The following KCNK4 variants were observed in gnomAD, a reference collection of about 807,000 sequenced individuals.
KCNK4 encodes the protein potassium two pore domain channel subfamily K member 4, also known as potassium channel subfamily K member 4.
KCNK4 carries 22 observed loss-of-function variants against 28.8 expected under a neutral mutation model. The observed-to-expected ratio is 0.76, with a 90% CI of 0.55 to 1.09. The LOEUF is 1.09. Ranked by LOEUF, KCNK4 falls within the 50% of genes least tolerant of loss-of-function variation. The probability of loss-of-function intolerance (pLI) is 0.00; values close to 1 mark genes in which losing one functional copy is unlikely to be tolerated. For missense variants in KCNK4, 483 were observed against 546.3 expected, an observed-to-expected ratio of 0.88 and a Z score of 1.15; for synonymous variants, 263 against 252.9, an observed-to-expected ratio of 1.04 and a Z score of -0.38.
intron 2 of KCNK4, among the ~76,000 whole-genome samples, chr11:64,294,122 T>C (rs1270551886): frequency 1.3e-5 from 2 of 151,984 alleles, no homozygotes; most frequent in African/African-American, 4.8e-5. Context: ...GAATGCCAGG[T>C]CAGGTGCCCC....
chr11:64,292,110 G>T, intron 1 of KCNK4: 1 of 1,043,886 alleles, frequency 9.6e-7, no homozygotes. Context: ...TGCGGAGAGT[G>T]CAGGTGGGGT....
chr11:64,295,843 G>A (rs899657444), intron 2 of KCNK4, among the ~76,000 whole-genome samples: 1 of 152,046 alleles, frequency 6.6e-6, no homozygotes, highest in African/African-American at 2.4e-5. Context: ...GTCAGGGGGC[G>A]AAGAGGTGCT....
At position 64,296,872 on chromosome 11, in the gene KCNK4, C is replaced by T. The variant is rs2034777294; in HGVS notation, c.190-6C>T. ...GAAGCTCCTCCTTCTGCACCTTGTCCTGCAGGAGGTGGCTGATGCCCTGGG... is the reference window on the plus strand; with the variant it reads ...GAAGCTCCTCCTTCTGCACCTTGTCTTGCAGGAGGTGGCTGATGCCCTGGG... On this transcript the variant is annotated splice_region_variant and splice_polypyrimidine_tract_variant and intron_variant, in intron 2 of 6. Coordinates refer to ENST00000422670, the MANE Select transcript of KCNK4 (RefSeq NM_033310.3). The T allele has an allele frequency of 6.6e-7, 1 of 1,509,374 alleles. No individual in the cohort carries two copies. The highest frequency in any genetic ancestry group is 1.4e-5 in the South Asian group (1 of 73,284). 93.5% of individuals were successfully genotyped at this position (1,509,374 alleles called of 1,614,324 possible).
At chr11:64,298,020 T>C (rs1466946475) in intron 5 of KCNK4, 90 bp from the exon 6 acceptor site, 1 of 1,489,546 alleles carries the variant, frequency 6.7e-7, no homozygotes, top group African/African-American at 1.4e-5. Context: ...GGGCAGGTCC[T>C]CTCCAGGAAC....
At position 64,292,276 on chromosome 11, in the gene KCNK4, C is replaced by A. The variant is rs560871176; in HGVS notation, c.-77-666C>A. ...GACTGACAGCTGTCTCGGGGGCTGT[C>A]GCCCCGGTGTGGCCTTTGCGGACCC... On this transcript the variant is annotated intron_variant, in intron 1 of 6. Transcript: ENST00000422670. Among the ~76,000 whole-genome samples, 4 of 152,256 alleles carry A rather than the reference C, an allele frequency of 2.6e-5. No homozygotes were observed. The South Asian group carries it at 8.3e-4, about 31-fold the overall frequency.
In KCNK4 at chr11:64,297,016, T is replaced by C. The variant is rs2135231388; in HGVS notation, c.313+15T>C. ...CACCACCATCGGTGGGGGAGGGGAT[T>C]GGCATGTGGGGGGCGGCAAGGAGCT... On this transcript the variant is annotated intron_variant, in intron 3 of 6. Transcript: ENST00000422670. The C allele has an allele frequency of 6.4e-7, 1 of 1,564,920 alleles. No individual in the cohort carries two copies. Among genetic ancestry groups the C allele is most frequent in the East Asian group, 2.3e-5 (1 of 44,214 alleles).
At position 64,299,894 on chromosome 11, in the gene KCNK4, C is replaced by T; in HGVS notation, c.*168C>T. ...CCCCGGCCCTTCCCTCACTTCCATC[C>T]ATCTCTAGACCCCCCCAAGGCTTTC... On this transcript the variant is annotated 3_prime_UTR_variant, in exon 7 of 7. Transcript: ENST00000422670. The T allele has an allele frequency of 7.6e-7, 1 of 1,324,442 alleles. No individual in the cohort carries two copies. The allele number at this position is 1,324,442 out of a possible 1,614,324, so 82.0% of individuals were successfully genotyped here. A position where few individuals can be genotyped will look rare whatever the true frequency, so the allele number is the denominator to read the frequency against.
chr11:64,298,369 G>C, intron 6 of KCNK4, 120 bp downstream of exon 6: 2 of 1,214,528 alleles, frequency 1.6e-6, no homozygotes, highest in Non-Finnish European at 2.3e-6. Flanking sequence ...CAGGGGCTGA[G>C]TGAGCCTCTG....
intron 2 of KCNK4, among the ~76,000 whole-genome samples, chr11:64,294,515 CAAAAAAAAAA>C (rs771542870): frequency 2.2e-5 from 2 of 92,562 alleles, no homozygotes. Context: ...TGATCGGTCT[CAAAAAAAAAA>C]AAAAAAAAAA....
intron 2 of KCNK4, among the ~76,000 whole-genome samples, chr11:64,296,550 T>G (rs2034768424): frequency 6.6e-6 from 1 of 152,058 alleles, no homozygotes; most frequent in Non-Finnish European, 1.5e-5. Context: ...CTTGCTCAAG[T>G]CCCATAGCAC....
chr11:64,291,995 C>CCTG, intron 1 of KCNK4: 1 of 1,176,944 alleles, frequency 8.5e-7, no homozygotes, highest in South Asian at 1.4e-5. Context: ...GCGCGGTGGC[C>CCTG]CTGCTGTCTG....
At chr11:64,298,658 G>C (rs961998928) in intron 6 of KCNK4, among the ~76,000 whole-genome samples, 3 of 152,100 alleles carry the variant, frequency 2.0e-5, no homozygotes, top group Non-Finnish European at 2.9e-5. Context: ...ACTCCAGCCT[G>C]GGTGACAGAG....
At chr11:64,291,959 G>T (rs2135223189) in intron 1 of KCNK4, 1 of 985,906 alleles carries the variant, frequency 1.0e-6, no homozygotes. Context: ...ACGCGGGGGA[G>T]GCGGTGGGAG....
intron 1 of KCNK4, 82 bp from the exon 2 acceptor site, chr11:64,292,860 T>G: frequency 7.3e-7 from 1 of 1,369,558 alleles, no homozygotes; most frequent in East Asian, 2.8e-5. Flanking sequence ...TTTATGGATC[T>G]TTGGGTGTGT....
In KCNK4 at chr11:64,297,059, G is replaced by T. The variant is rs767448309; in HGVS notation, c.313+58G>T. ...AAGGAGCTTCCTCATGGGGGAAGGT[G>T]CAGGGAGACGGAGGGGTCCCAGGTG... On this transcript the variant is annotated intron_variant, in intron 3 of 6. Coordinates refer to ENST00000422670, the MANE Select transcript of KCNK4 (RefSeq NM_033310.3). 11 of 1,607,926 alleles carry T rather than the reference G, an allele frequency of 6.8e-6. No individual in the cohort carries two copies. The African/African-American group carries it at 1.3e-4, about 20-fold the overall frequency.
In KCNK4 at chr11:64,299,748, C is replaced by T. The variant is rs989425426; in HGVS notation, c.*22C>T. On this transcript the variant is annotated 3_prime_UTR_variant, in exon 7 of 7. Coordinates refer to ENST00000422670, the MANE Select transcript of KCNK4 (RefSeq NM_033310.3). Reference sequence around the variant, plus strand: ...GTAGGGGCAGGATCCCTGGCCGGGCCTCTCAAGGGCTTCGTTTCTGCTCTC... The same window carrying T: ...GTAGGGGCAGGATCCCTGGCCGGGCTTCTCAAGGGCTTCGTTTCTGCTCTC... 2 of 1,543,596 alleles carry T rather than the reference C, an allele frequency of 1.3e-6. No individual in the cohort carries two copies. Among genetic ancestry groups the T allele is most frequent in the Admixed American group, 3.9e-5 (2 of 51,344 alleles).
Position 64,297,214 on chromosome 11 carries a change from G to A in KCNK4, c.409G>A (p.Gly137Arg). The A allele has an allele frequency of 6.2e-7, 1 of 1,614,148 alleles. No homozygotes were observed. Among genetic ancestry groups the A allele is most frequent in the Non-Finnish European group, 8.5e-7 (1 of 1,180,016 alleles). ...GIPLFGILLAGVGDRLGSSLR... is the reference protein window; with the variant it reads ...GIPLFGILLARVGDRLGSSLR... ...TCCGCTGTTTGGGATCCTACTGGCA[G>A]GGGTCGGGGACCGGCTGGGCTCCTC... Residue 137 changes from glycine (G) to arginine (R), a missense_variant, in exon 4 of 7, where the codon GGG (glycine) becomes AGG (arginine). Transcript: ENST00000422670.
rs529119628 is a variant in KCNK4, at chr11:64,292,577, C to T, written c.-77-365C>T. On this transcript the variant is annotated intron_variant, in intron 1 of 6. Coordinates refer to ENST00000422670, the MANE Select transcript of KCNK4 (RefSeq NM_033310.3). Reference sequence around the variant, plus strand: ...TTCCCTTCGGACGCCTCCGAGCCCCCTCAGCCTCCTCCTCGAGGGCCAGCT... The same window carrying T: ...TTCCCTTCGGACGCCTCCGAGCCCCTTCAGCCTCCTCCTCGAGGGCCAGCT... 3.2e-4 allele frequency: 49 copies of T among 155,496 alleles called. 3 individuals are homozygous for T. In the South Asian group the frequency reaches 9.9e-3, roughly 31 times the overall value. The allele number at this position is 155,496 out of a possible 1,614,324, so 9.6% of individuals were successfully genotyped here. A position where few individuals can be genotyped will look rare whatever the true frequency, so the allele number is the denominator to read the frequency against.
intron 4 of KCNK4, 48 bp from the exon 5 acceptor site, chr11:64,297,419 G>A: frequency 1.2e-6 from 2 of 1,603,888 alleles, no homozygotes; most frequent in Non-Finnish European, 1.7e-6. Context: ...GTATGGGAGT[G>A]GGGATTGTTG....
Sources: allele counts gnomAD v4.1 joint callset (sites outside exome capture counted in the v4.1 genomes callset), GRCh38; gene constraint gnomAD v4.1.1; transcripts MANE v1.5; gene names NCBI Gene and HGNC (gene_info 2026-07-23, HGNC 2026-07-21).